DGKZ: variants seen among roughly 807,000 people sequenced by gnomAD.
DGKZ encodes the protein diacylglycerol kinase zeta.
DGKZ carries 45 observed loss-of-function variants against 142.5 expected under a neutral mutation model. That is an observed-to-expected ratio of 0.32 (90% confidence interval 0.25 to 0.40). DGKZ has a LOEUF of 0.40. Ranked by LOEUF, DGKZ falls within the 10% of genes least tolerant of loss-of-function variation. DGKZ has a pLI of 1.00. For missense variants in DGKZ, 755 were observed against 1,306.5 expected, an observed-to-expected ratio of 0.58 and a Z score of 6.51; for synonymous variants, 442 against 527.0, an observed-to-expected ratio of 0.84 and a Z score of 2.21.
chr11:46,345,658 G>A (rs1039742928), upstream of DGKZ: 5 of 1,391,430 alleles, frequency 3.6e-6, no homozygotes, highest in East Asian at 8.7e-5. The surrounding 1 kb of genome is among the most constrained non-coding windows in gnomAD (Gnocchi z 4.1). Flanking sequence ...CTGAGATGGG[G>A]GTGACAGAAG....
upstream of DGKZ, among the ~76,000 whole-genome samples, chr11:46,346,391 C>T (rs1237275958): frequency 9.2e-6 from 1 of 109,192 alleles, no homozygotes; most frequent in Non-Finnish European, 2.1e-5. Flanking sequence ...GGCCTCCCTT[C>T]GTCAGCCCTG....
chr11:46,372,753 C>T lies in DGKZ; in HGVS notation c.1072-18C>T, dbSNP rs1421876619. 13 of 1,608,804 alleles carry T rather than the reference C, an allele frequency of 8.1e-6. No individual in the cohort carries two copies. Among genetic ancestry groups the T allele is most frequent in the Non-Finnish European group, 1.0e-5 (12 of 1,177,666 alleles). On this transcript the variant is annotated intron_variant, in intron 12 of 30. Transcript: ENST00000527911. This position sits in a 1 kb window ranked among gnomAD's most constrained non-coding sequence, Gnocchi z 5.9. Reference sequence around the variant, plus strand: ...GGGTCCCTGTGGGCCTGATTTGCCTCTGTTCTTCCTCCCCCAGGTGGGCTG... The same window carrying T: ...GGGTCCCTGTGGGCCTGATTTGCCTTTGTTCTTCCTCCCCCAGGTGGGCTG...
At chr11:46,341,534 A>C (rs541293616) in intron 1 of DGKZ, among the ~76,000 whole-genome samples, 6 of 152,372 alleles carry the variant, frequency 3.9e-5, no homozygotes, top group African/African-American at 1.4e-4. Context: ...TCAGGAAAGA[A>C]GATTCAAATG....
In DGKZ at chr11:46,379,488, C is replaced by A. The variant is rs1452042005; in HGVS notation, c.2608C>A (p.Gln870Lys). The change falls in exon 30 of 31, where the codon CAA becomes AAA. Residue 870 changes from glutamine to lysine, a missense_variant. Transcript: ENST00000527911. ...CCCCAGCGGGGAGACCTGTTTGCAC[C>A]AAGCAGCGGCCCTGGGCCAGCGCAC... 4 of 1,610,764 alleles carry A rather than the reference C, an allele frequency of 2.5e-6. No homozygotes were observed. In the Admixed American group the frequency reaches 6.7e-5, roughly 27 times the overall value.
At chr11:46,345,002 A>C (rs895229198), upstream of DGKZ, among the ~76,000 whole-genome samples, 2 of 152,194 alleles carry the variant, frequency 1.3e-5, no homozygotes, top group African/African-American at 4.8e-5. The surrounding 1 kb of genome is among the most constrained non-coding windows in gnomAD (Gnocchi z 4.1). Context: ...GCCCTGTGTA[A>C]GATGGTATGC....
exon 31 of DGKZ, chr11:46,380,103 G>C (rs1431413446): frequency 2.6e-6 from 2 of 762,186 alleles, no homozygotes; most frequent in East Asian, 2.8e-5. Context: ...CCCAGACCTA[G>C]GGCTGGACTC....
At chr11:46,377,316 T>C in intron 25 of DGKZ, 104 bp downstream of exon 25, 1 of 1,452,190 alleles carries the variant, frequency 6.9e-7, no homozygotes, top group Non-Finnish European at 9.1e-7. Context: ...GTTAACTAAA[T>C]GGTGTCAACC....
chr11:46,369,665 TGA>T (rs1943722672), intron 5 of DGKZ, 115 bp downstream of exon 5: 1 of 1,389,620 alleles, frequency 7.2e-7, no homozygotes, highest in Admixed American at 1.8e-5. Context: ...TGCTGCTCAC[TGA>T]GGTCTGTCTG....
At position 46,367,144 on chromosome 11, in the gene DGKZ, G is replaced by A; in HGVS notation, c.162-147G>A. 8.0e-7 allele frequency: 1 copy of A among 1,247,302 alleles called. No homozygotes were observed. The highest frequency in any genetic ancestry group is 1.1e-6 in the Non-Finnish European group (1 of 876,858). The allele number at this position is 1,247,302 out of a possible 1,614,324, so 77.3% of individuals were successfully genotyped here. A position where few individuals can be genotyped will look rare whatever the true frequency, so the allele number is the denominator to read the frequency against. On this transcript the variant is annotated intron_variant, in intron 1 of 30. Transcript: ENST00000527911. This position sits in a 1 kb window ranked among gnomAD's most constrained non-coding sequence, Gnocchi z 4.1. ...ACCCCAAAAGGCCATGTCTCTTGCA[G>A]GGAGCCTCTTAGTGTCTGGGGCTGC...
chr11:46,364,901 C>T (rs954081204), intron 1 of DGKZ: 17 of 985,444 alleles, frequency 1.7e-5, no homozygotes, highest in East Asian at 2.3e-4. Flanking sequence ...TGGCTGCCAG[C>T]GGTTAGGATG....
intron 17 of DGKZ, 21 bp downstream of exon 17, chr11:46,374,687 G>A (rs547853015): frequency 2.6e-5 from 41 of 1,605,640 alleles, no homozygotes; most frequent in Admixed American, 8.4e-5. Flanking sequence ...CCAGGCTGCC[G>A]TGGGTGGGTG....
chr11:46,347,394 G>C, upstream of DGKZ: 2 of 983,820 alleles, frequency 2.0e-6, no homozygotes, highest in African/African-American at 3.5e-5. The surrounding 1 kb of genome is among the most constrained non-coding windows in gnomAD (Gnocchi z 6.4). Context: ...GTGCGGCCGA[G>C]GGGGCGTGCT....
chr11:46,334,637 G>A (rs541806238), intron 1 of DGKZ, among the ~76,000 whole-genome samples: 15 of 152,298 alleles, frequency 9.8e-5, no homozygotes, highest in African/African-American at 3.6e-4. Flanking sequence ...GAGCAAATGG[G>A]AAGCAGGCCA....
chr11:46,355,167 GGT>G (rs1941850870), intron 1 of DGKZ, among the ~76,000 whole-genome samples: 1 of 152,138 alleles, frequency 6.6e-6, no homozygotes, highest in Non-Finnish European at 1.5e-5. Context: ...AGAGTGCAGT[GGT>G]GCGATCTCGG....
intron 1 of DGKZ, among the ~76,000 whole-genome samples, chr11:46,338,266 G>T (rs1467728354): frequency 6.6e-6 from 1 of 152,102 alleles, no homozygotes; most frequent in Non-Finnish European, 1.5e-5. Context: ...GGAGGCTGAG[G>T]CAGGTGGATC....
Position 46,375,011 on chromosome 11 carries a change from A to G in DGKZ, c.1676A>G (p.Tyr559Cys). 3 of 1,609,728 alleles carry G rather than the reference A, an allele frequency of 1.9e-6. No homozygotes were observed. In the South Asian group the frequency reaches 3.3e-5, roughly 18 times the overall value. Residue 559 changes from tyrosine (Y) to cysteine (C), a missense_variant, in exon 19 of 31, where the codon TAC becomes TGC. Tyr to Cys is a radical substitution (Grantham distance 194). Transcript: ENST00000527911. ...GAGCCCCAGCGGCATGACGACGGCT[A>G]CCTCGAGGTCATTGGCTTCACCATG...
rs748863032 is a variant in DGKZ, at chr11:46,367,875, CA to C, written c.367-126del. ...GGCCGCCCCAGGATGGTGAGGGGTG[CA>C]GGGGCTTTGTCCGGATGCCAGGACT... On this transcript the variant is annotated intron_variant, in intron 3 of 30. Coordinates refer to ENST00000527911, the Ensembl canonical transcript of DGKZ. The surrounding 1 kb of genome is among the most constrained non-coding windows in gnomAD (Gnocchi z 4.1). 1 of 1,511,952 alleles carries C rather than the reference CA, an allele frequency of 6.6e-7. No individual in the cohort carries two copies. The highest frequency in any genetic ancestry group is 1.1e-5 in the South Asian group (1 of 88,416). The allele number at this position is 1,511,952 out of a possible 1,614,324, so 93.7% of individuals were successfully genotyped here.
chr11:46,369,734 G>A, intron 5 of DGKZ, 184 bp downstream of exon 5: 1 of 890,494 alleles, frequency 1.1e-6, no homozygotes, highest in Non-Finnish European at 1.8e-6. Flanking sequence ...GGGACAGCTT[G>A]TGCCTCCTGG....
intron 1 of DGKZ, among the ~76,000 whole-genome samples, chr11:46,341,287 C>A (rs970153670): frequency 6.6e-6 from 1 of 152,160 alleles, no homozygotes; most frequent in Admixed American, 6.5e-5. Context: ...ACTCATGTAC[C>A]CAGCACTGAG....
Sources: allele counts gnomAD v4.1 joint callset (sites outside exome capture counted in the v4.1 genomes callset), GRCh38; gene constraint gnomAD v4.1.1; non-coding constraint Gnocchi (gnomAD v3.1); transcripts MANE v1.5; gene names NCBI Gene and HGNC (gene_info 2026-07-23, HGNC 2026-07-21).